The following ITGB8 variants were observed in gnomAD, a reference collection of about 807,000 sequenced individuals.
The protein encoded by ITGB8 is integrin beta-8.
A neutral mutation model predicts 89.5 loss-of-function variants in ITGB8; 30 were observed. The observed-to-expected ratio is 0.34, with a 90% CI of 0.25 to 0.45. The LOEUF is 0.45. ITGB8 is among the 20% of genes least tolerant of loss of function. The pLI, the probability that ITGB8 is intolerant of heterozygous loss-of-function variation, is 1.00. For missense variants in ITGB8, 836 were observed against 933.3 expected, an observed-to-expected ratio of 0.90 and a Z score of 1.36; for synonymous variants, 335 against 320.4, an observed-to-expected ratio of 1.05 and a Z score of -0.49.
chr7:20,350,742 G>A (rs533671804), intron 1 of ITGB8, among the ~76,000 whole-genome samples: 1 of 152,226 alleles, frequency 6.6e-6, no homozygotes, highest in African/African-American at 2.4e-5. Context: ...CTTCTCCCCT[G>A]TTCCAGATTT....
At chr7:20,333,815 C>G (rs1286270894) in intron 1 of ITGB8, among the ~76,000 whole-genome samples, 1 of 151,972 alleles carries the variant, frequency 6.6e-6, no homozygotes, top group Non-Finnish European at 1.5e-5. Flanking sequence ...TAAAAACATG[C>G]AAAAAATGTA....
chr7:20,360,100 C>T (rs972655623), intron 1 of ITGB8, among the ~76,000 whole-genome samples: 11 of 152,214 alleles, frequency 7.2e-5, no homozygotes, highest in African/African-American at 2.2e-4. Flanking sequence ...GGGTCATCAT[C>T]GTTAGGTGTC....
intron 3 of ITGB8, among the ~76,000 whole-genome samples, chr7:20,367,973 G>A (rs575601914): frequency 6.6e-6 from 1 of 152,186 alleles, no homozygotes; most frequent in African/African-American, 2.4e-5. Context: ...GTTTAACGCA[G>A]TTCACAATTG....
At chr7:20,389,927 T>C (rs1481410388) in intron 6 of ITGB8, among the ~76,000 whole-genome samples, 1 of 152,152 alleles carries the variant, frequency 6.6e-6, no homozygotes, top group Admixed American at 6.6e-5. Context: ...TTAATACTTT[T>C]TAAGCTTCTT....
intron 11 of ITGB8, 33 bp from the exon 12 acceptor site, chr7:20,406,029 A>G: frequency 8.0e-7 from 1 of 1,255,354 alleles, no homozygotes; most frequent in Non-Finnish European, 1.2e-6. Context: ...CTTTTTAAAG[A>G]ATAAATATTT....
rs1313908898 is a variant in ITGB8, at chr7:20,413,666, A to C, written c.*3669A>C. On this transcript the variant is annotated 3_prime_UTR_variant, in exon 14 of 14. Transcript: ENST00000222573. ...TCCAGACATCTTTAATTGATCTTAA[A>C]GCTCATTTGAGTCTTTGCCCCTGAA... 6.6e-6 allele frequency: 1 copy of C among 152,016 alleles called. No individual in the cohort carries two copies. The highest frequency in any genetic ancestry group is 1.9e-4 in the East Asian group (1 of 5,202). 9.4% of individuals were successfully genotyped at this position (152,016 alleles called of 1,614,324 possible). A position where few individuals can be genotyped will look rare whatever the true frequency, so the allele number is the denominator to read the frequency against.
chr7:20,357,598 G>A lies in ITGB8; in HGVS notation c.128-6039G>A, dbSNP rs146882758. On this transcript the variant is annotated intron_variant, in intron 1 of 13. Coordinates refer to ENST00000222573, the MANE Select transcript of ITGB8 (RefSeq NM_002214.3). ...TTCTTTATCGAATGCCTACTATGCCGTGAGCACTCTGTTGGGATGCTTTAC... is the reference window on the plus strand; with the variant it reads ...TTCTTTATCGAATGCCTACTATGCCATGAGCACTCTGTTGGGATGCTTTAC... Among the ~76,000 whole-genome samples the A allele has an allele frequency of 1.5e-3, 229 of 152,268 alleles. 2 individuals are homozygous for A. Among genetic ancestry groups the A allele is most frequent in the African/African-American group, 5.0e-3 (206 of 41,552 alleles).
intron 1 of ITGB8, among the ~76,000 whole-genome samples, chr7:20,358,419 CT>C (rs548534753): frequency 4.0e-4 from 58 of 145,866 alleles, no homozygotes; most frequent in South Asian, 4.4e-4. Context: ...TCATTTTTTT[CT>C]TTTTTTTTTT....
At chr7:20,358,968 TTTTCTG>T (rs1785398363) in intron 1 of ITGB8, among the ~76,000 whole-genome samples, 1 of 152,146 alleles carries the variant, frequency 6.6e-6, no homozygotes, top group African/African-American at 2.4e-5. Context: ...TGTTGTTCGG[TTTTCTG>T]TTTCTGAGTT....
At chr7:20,386,405 A>ATTTT (rs759304002) in intron 6 of ITGB8, among the ~76,000 whole-genome samples, 35 of 80,342 alleles carry the variant, frequency 4.4e-4, no homozygotes, top group African/African-American at 1.8e-3. Flanking sequence ...CACCTGGCTA[A>ATTTT]TTTTTTTTTT....
chr7:20,386,612 T>G (rs945201764), intron 6 of ITGB8, among the ~76,000 whole-genome samples: 2 of 151,966 alleles, frequency 1.3e-5, no homozygotes, highest in African/African-American at 4.8e-5. Flanking sequence ...GCTTCTCATA[T>G]TCTCAAAAAG....
In ITGB8 at chr7:20,411,495, G is replaced by T; in HGVS notation, c.*1498G>T. The T allele has an allele frequency of 6.6e-6, 1 of 152,530 alleles. No individual in the cohort carries two copies. Among genetic ancestry groups the T allele is most frequent in the East Asian group, 1.9e-4 (1 of 5,190 alleles). The allele number at this position is 152,530 out of a possible 1,614,324, so 9.4% of individuals were successfully genotyped here. On this transcript the variant is annotated 3_prime_UTR_variant, in exon 14 of 14. Transcript: ENST00000222573. ...TAGTGAGTTAGGGAACTGAGCCTCA[G>T]AAAACTTAAACGATTTCTCAGAAAA...
At chr7:20,400,825 C>A (rs1428505398) in intron 9 of ITGB8, among the ~76,000 whole-genome samples, 1 of 152,042 alleles carries the variant, frequency 6.6e-6, no homozygotes, top group East Asian at 1.9e-4. Context: ...ATTTTTCTTT[C>A]GAGTAACATC....
At chr7:20,343,212 C>T (rs533124832) in intron 1 of ITGB8, among the ~76,000 whole-genome samples, 3 of 152,142 alleles carry the variant, frequency 2.0e-5, no homozygotes, top group Non-Finnish European at 4.4e-5. Flanking sequence ...GCTTTGCTGC[C>T]GTTTGGCCAG....
At chr7:20,333,089 T>C (rs1168619176) in intron 1 of ITGB8, among the ~76,000 whole-genome samples, 1 of 152,168 alleles carries the variant, frequency 6.6e-6, no homozygotes, top group Non-Finnish European at 1.5e-5. Flanking sequence ...GTCAAGGTTT[T>C]GCCTGAAGCT....
chr7:20,404,492 A>G (rs1787451664), intron 10 of ITGB8, 136 bp from the exon 11 acceptor site: 1 of 729,606 alleles, frequency 1.4e-6, no homozygotes, highest in Non-Finnish European at 2.4e-6. Context: ...TGTCAGACCA[A>G]TGAAAAAGTG....
chr7:20,372,734 T>C (rs373114473), intron 3 of ITGB8, among the ~76,000 whole-genome samples: 2 of 152,162 alleles, frequency 1.3e-5, no homozygotes, highest in Admixed American at 6.6e-5. Flanking sequence ...CCATTACTAT[T>C]TGAATTTCTA....
intron 1 of ITGB8, among the ~76,000 whole-genome samples, chr7:20,358,417 TTC>T (rs1785375445): frequency 6.6e-6 from 1 of 150,380 alleles, no homozygotes; most frequent in African/African-American, 2.5e-5. Context: ...CATCATTTTT[TTC>T]TTTTTTTTTT....
chr7:20,367,253 T>C lies in ITGB8; in HGVS notation c.388+67T>C, dbSNP rs1785737802. The C allele has an allele frequency of 7.8e-6, 9 of 1,156,316 alleles. No individual in the cohort carries two copies. In the East Asian group the frequency reaches 2.1e-4, roughly 27 times the overall value. 71.6% of individuals were successfully genotyped at this position (1,156,316 alleles called of 1,614,324 possible). A position where few individuals can be genotyped will look rare whatever the true frequency, so the allele number is the denominator to read the frequency against. ...GAAATTGCAATTTACTTTAATTTGC[T>C]CATTTTTAATATTATGTGGCAGGCA... is the stretch of plus-strand genomic sequence containing the variant. On this transcript the variant is annotated intron_variant, in intron 3 of 13. Transcript: ENST00000222573.
Sources: gnomAD v4.1 joint callset for allele counts (sites outside exome capture counted in the v4.1 genomes callset) on GRCh38, gnomAD v4.1.1 for gene constraint, MANE v1.5 for transcripts, NCBI Gene and HGNC (gene_info 2026-07-23, HGNC 2026-07-21) for gene names.